Variants in TSPAN9 observed in about 807,000 individuals in gnomAD.
TSPAN9 encodes the protein tetraspanin-9.
In TSPAN9, 16 loss-of-function variants were observed where a neutral mutation model predicts 31.0. The ratio of observed to expected loss-of-function variants is 0.52; its 90% confidence interval spans 0.35 to 0.78. The LOEUF (loss-of-function observed/expected upper bound fraction) is 0.78, where lower values mean the gene tolerates loss of function less well. Ranked by LOEUF, TSPAN9 falls within the 30% of genes least tolerant of loss-of-function variation. The probability of loss-of-function intolerance (pLI) is 0.01; values close to 1 mark genes in which losing one functional copy is unlikely to be tolerated. For missense variants in TSPAN9, 272 were observed against 312.5 expected (o/e 0.87, Z 0.98); for synonymous variants, 145 against 121.6 (o/e 1.19, Z -1.27).
chr12:3,285,548 A>T lies in TSPAN9; in HGVS notation c.*2432A>T, dbSNP rs975521737. On this transcript the variant is annotated 3_prime_UTR_variant, in exon 9 of 9. Coordinates refer to ENST00000011898, the MANE Select transcript of TSPAN9 (RefSeq NM_006675.5). The stretch of plus-strand genomic sequence containing the variant: ...CGTTTTGTTATTTGGCTTAGTCTAC[A>T]TTGGGCGGAAGTCTGTGTGCACAGA... 1 of 152,048 alleles carries T rather than the reference A, an allele frequency of 6.6e-6. No individual in the cohort carries two copies. The highest frequency in any genetic ancestry group is 1.5e-5 in the Non-Finnish European group (1 of 68,038). 9.4% of individuals were successfully genotyped at this position (152,048 alleles called of 1,614,324 possible).
chr12:3,097,445 G>A (rs1342486374), intron 2 of TSPAN9, among the ~76,000 whole-genome samples: 4 of 152,164 alleles, frequency 2.6e-5, no homozygotes, highest in Non-Finnish European at 4.4e-5. Flanking sequence ...GTTAAAAAGC[G>A]AGGCTCCAGG....
At chr12:3,082,593 C>T (rs555818273) in intron 1 of TSPAN9, among the ~76,000 whole-genome samples, 22 of 152,098 alleles carry the variant, frequency 1.4e-4, no homozygotes, top group African/African-American at 5.1e-4. Flanking sequence ...AATCTGAGGT[C>T]TGTGAAGAGG....
intron 2 of TSPAN9, chr12:3,125,189 T>C (rs2098326784): frequency 1.3e-5 from 2 of 151,966 alleles, no homozygotes; most frequent in African/African-American, 4.8e-5. Context: ...AAAATGCTAA[T>C]GGTAGTTCGT....
chr12:3,201,406 C>G (rs1274215625), intron 3 of TSPAN9, 150 bp downstream of exon 3: 1 of 675,442 alleles, frequency 1.5e-6, no homozygotes, highest in South Asian at 2.0e-5. Flanking sequence ...CCCCGCCCCC[C>G]TTTCATGCAC....
In TSPAN9 at chr12:3,278,432, T is replaced by C; in HGVS notation, c.75T>C (p.Cys25=). The C allele has an allele frequency of 6.2e-7, 1 of 1,614,192 alleles. No individual in the cohort carries two copies. The highest frequency in any genetic ancestry group is 8.5e-7 in the Non-Finnish European group (1 of 1,180,028). ...LFNLIFWLCG[C]GLLGVGIWLS... ...TCCTTCCTTTCCAGCTCTGTGGCTG[T>C]GGGCTGCTGGGAGTGGGCATCTGGC... is the stretch of plus-strand genomic sequence containing the variant. Residue 25 remains cysteine, a synonymous_variant, in exon 4 of 9, where the codon TGT becomes TGC. Coordinates refer to ENST00000011898, the MANE Select transcript of TSPAN9 (RefSeq NM_006675.5).
At chr12:3,153,357 GT>G (rs1377652405) in intron 2 of TSPAN9, among the ~76,000 whole-genome samples, 3 of 152,068 alleles carry the variant, frequency 2.0e-5, no homozygotes, top group Non-Finnish European at 4.4e-5. Context: ...TGACAAATCA[GT>G]TTTTTATTTT....
At chr12:3,225,974 C>A (rs1388361483) in intron 3 of TSPAN9, among the ~76,000 whole-genome samples, 2 of 152,066 alleles carry the variant, frequency 1.3e-5, no homozygotes, top group Non-Finnish European at 1.5e-5. Context: ...TTCTTTCCTT[C>A]TGAAGTCACA....
chr12:3,094,881 TA>T (rs1473603746), intron 2 of TSPAN9, among the ~76,000 whole-genome samples: 15 of 146,148 alleles, frequency 1.0e-4, no homozygotes, highest in South Asian at 2.2e-4. Flanking sequence ...TTTTTAAATT[TA>T]TTTTTTTATT....
chr12:3,268,465 T>TCTGTGTTCCTGCAGCCTGCCCTCC (rs1862586181), intron 3 of TSPAN9, among the ~76,000 whole-genome samples: 1 of 93,486 alleles, frequency 1.1e-5, no homozygotes, highest in Non-Finnish European at 2.2e-5. Flanking sequence ...GCCTGCCCTC[T>TCTGTGTTCCTGCAGCCTGCCCTCC]GTGCGTTCCT....
chr12:3,281,254 C>A lies in TSPAN9; in HGVS notation c.489C>A (p.Asn163Lys), dbSNP rs1238067121. 6.4e-7 allele frequency: 1 copy of A among 1,551,340 alleles called. No individual in the cohort carries two copies. The highest frequency in any genetic ancestry group is 1.4e-5 in the African/African-American group (1 of 73,162). The change falls in exon 7 of 9, where the codon AAC becomes AAA. Residue 163 changes from asparagine to lysine, a missense_variant. Coordinates refer to ENST00000011898, the MANE Select transcript of TSPAN9 (RefSeq NM_006675.5). ...YTDWYPVLGE[N>K]TVPDRCCMEN... ...ACTGGTACCCAGTGCTGGGGGAGAA[C>A]ACGGTTCCCGACCGCTGCTGCATGG...
intron 2 of TSPAN9, among the ~76,000 whole-genome samples, chr12:3,196,974 A>G (rs1033737994): frequency 6.6e-6 from 1 of 152,184 alleles, no homozygotes; most frequent in Non-Finnish European, 1.5e-5. Flanking sequence ...CCACCCTGCG[A>G]GGGCCCTCCG....
chr12:3,231,588 G>T (rs1206232109), intron 3 of TSPAN9, among the ~76,000 whole-genome samples: 1 of 152,238 alleles, frequency 6.6e-6, no homozygotes, highest in Non-Finnish European at 1.5e-5. Context: ...ACCTCAAGGG[G>T]CAGAGGACTG....
intron 2 of TSPAN9, 65 bp from the exon 3 acceptor site, chr12:3,201,112 C>T (rs1022065606): frequency 9.2e-6 from 13 of 1,419,516 alleles, no homozygotes; most frequent in African/African-American, 1.4e-5. Context: ...CCGACAAGTG[C>T]AATGCACCCA....
chr12:3,232,428 C>T (rs1252710475), intron 3 of TSPAN9, among the ~76,000 whole-genome samples: 2 of 152,164 alleles, frequency 1.3e-5, no homozygotes, highest in East Asian at 3.9e-4. Flanking sequence ...GTGGGATCAT[C>T]AGGGTAACTG....
chr12:3,242,618 G>T (rs76867975), intron 3 of TSPAN9, among the ~76,000 whole-genome samples: 26,466 of 152,126 alleles, frequency 0.17, 2,316 homozygotes, highest in South Asian at 0.26. Flanking sequence ...CCAGCTGACA[G>T]CTCAGGGCTG....
intron 2 of TSPAN9, among the ~76,000 whole-genome samples, chr12:3,142,056 A>G (rs1402071574): frequency 6.6e-6 from 1 of 152,188 alleles, no homozygotes; most frequent in Non-Finnish European, 1.5e-5. Context: ...AGGTGCTCAC[A>G]GGAATCCTGT....
intron 2 of TSPAN9, among the ~76,000 whole-genome samples, chr12:3,175,784 G>A (rs1365576028): frequency 1.3e-5 from 2 of 152,106 alleles, no homozygotes; most frequent in Admixed American, 6.5e-5. Flanking sequence ...GACCGGCATC[G>A]CACCACTGCA....
chr12:3,249,347 C>T (rs1862203060), intron 3 of TSPAN9, among the ~76,000 whole-genome samples: 1 of 152,198 alleles, frequency 6.6e-6, no homozygotes, highest in Non-Finnish European at 1.5e-5. Context: ...GCCCGCATGG[C>T]TCCTGCTTTC....
intron 3 of TSPAN9, among the ~76,000 whole-genome samples, chr12:3,206,825 T>A (rs116919662): frequency 0.015 from 2,344 of 152,186 alleles, 26 homozygotes; most frequent in South Asian, 0.04. Flanking sequence ...ATACTGCGTA[T>A]TAGAGACAAG....
Sources: gnomAD v4.1 joint callset for allele counts (sites outside exome capture counted in the v4.1 genomes callset) on GRCh38, gnomAD v4.1.1 for gene constraint, MANE v1.5 for transcripts, NCBI Gene and HGNC (gene_info 2026-07-23, HGNC 2026-07-21) for gene names.